SEMA5A: variants seen among roughly 807,000 people sequenced by gnomAD.
SEMA5A encodes semaphorin 5A.
Under a neutral mutation model 135.5 loss-of-function variants are expected in SEMA5A, and 55 were observed. The ratio of observed to expected loss-of-function variants is 0.41; its 90% confidence interval spans 0.33 to 0.51. The LOEUF is 0.51. Ranked by LOEUF, SEMA5A falls within the 20% of genes least tolerant of loss-of-function variation. The pLI is 0.37. For missense variants in SEMA5A, 1,290 were observed against 1,419.9 expected (o/e 0.91, Z 1.47); for synonymous variants, 580 against 546.5 (o/e 1.06, Z -0.85).
Position 9,044,388 on chromosome 5 carries a change from C to T in SEMA5A, c.3090G>A (p.Ser1030=), listed in dbSNP as rs150116452. 804 of 1,613,214 alleles carry T rather than the reference C, an allele frequency of 5.0e-4. No individual in the cohort carries two copies. Among genetic ancestry groups the T allele is most frequent in the Admixed American group, 7.7e-4 (46 of 60,014 alleles). ...ATTCACTTACCTTGATGGCCTCCACCGAGTCGTACTTGTCCAGTTTGTTGA... is the reference window on the plus strand; with the variant it reads ...ATTCACTTACCTTGATGGCCTCCACTGAGTCGTACTTGTCCAGTTTGTTGA... ...NHINKLDKYD[S]VEAIKAFNKN... is the part of the protein sequence containing the mutation. Residue 1030 remains serine (S), a synonymous_variant, in exon 22 of 23, where the codon TCG becomes TCA. Transcript: ENST00000382496.
At chr5:9,127,226 G>C (rs957570717) in intron 13 of SEMA5A, among the ~76,000 whole-genome samples, 1 of 152,232 alleles carries the variant, frequency 6.6e-6, no homozygotes, top group African/African-American at 2.4e-5. Context: ...TGCAAAGGCT[G>C]TTCCAGAGGT....
intron 16 of SEMA5A, among the ~76,000 whole-genome samples, chr5:9,106,998 G>A (rs1301147196): frequency 2.6e-5 from 4 of 152,144 alleles, no homozygotes; most frequent in Admixed American, 2.0e-4. Flanking sequence ...TCCTTTCTGA[G>A]AATTTCCCAA....
At chr5:9,251,508 T>G (rs1387086331) in intron 5 of SEMA5A, among the ~76,000 whole-genome samples, 1 of 152,170 alleles carries the variant, frequency 6.6e-6, no homozygotes, top group East Asian at 1.9e-4. Context: ...TAAAAATACT[T>G]TAGGTATGAC....
At chr5:9,542,736 A>T (rs1425633843) in intron 1 of SEMA5A, among the ~76,000 whole-genome samples, 1 of 152,178 alleles carries the variant, frequency 6.6e-6, no homozygotes, top group Non-Finnish European at 1.5e-5. Flanking sequence ...GCTGTACTCA[A>T]ATAGTTGTAC....
intron 16 of SEMA5A, among the ~76,000 whole-genome samples, chr5:9,072,243 A>G (rs962287029): frequency 1.1e-4 from 17 of 152,150 alleles, no homozygotes; most frequent in African/African-American, 4.1e-4. Flanking sequence ...GAGTGCCACA[A>G]CCTACAGCCT....
At chr5:9,106,033 C>G (rs1438978368) in intron 16 of SEMA5A, among the ~76,000 whole-genome samples, 3 of 152,106 alleles carry the variant, frequency 2.0e-5, no homozygotes, top group African/African-American at 7.2e-5. Context: ...TTAGGACAGA[C>G]AGAAACCAAA....
chr5:9,437,182 T>C (rs935590810), intron 2 of SEMA5A, among the ~76,000 whole-genome samples: 14 of 152,124 alleles, frequency 9.2e-5, no homozygotes, highest in African/African-American at 3.4e-4. Flanking sequence ...TGAAACCAGG[T>C]AGGCAGTCAC....
intron 9 of SEMA5A, among the ~76,000 whole-genome samples, chr5:9,201,150 C>T (rs1745682795): frequency 1.3e-5 from 2 of 152,166 alleles, no homozygotes; most frequent in African/African-American, 4.8e-5. Context: ...AGCAGCACAG[C>T]CAGTGTGTAG....
chr5:9,131,617 A>C (rs1427546791), intron 13 of SEMA5A, among the ~76,000 whole-genome samples: 4 of 12,274 alleles, frequency 3.3e-4, no homozygotes, highest in African/African-American at 7.7e-4. Context: ...CAAAAAAAAA[A>C]AAAAAAAAAA....
intron 13 of SEMA5A, among the ~76,000 whole-genome samples, chr5:9,124,978 T>C (rs888856224): frequency 1.3e-5 from 2 of 152,304 alleles, no homozygotes; most frequent in African/African-American, 2.4e-5. Flanking sequence ...CTATGTACCA[T>C]ACAGTTCATT....
At chr5:9,240,025 A>G (rs1040515362) in intron 5 of SEMA5A, among the ~76,000 whole-genome samples, 1 of 152,080 alleles carries the variant, frequency 6.6e-6, no homozygotes, top group African/African-American at 2.4e-5. Context: ...CATTTTCAAG[A>G]TAAATATTGG....
At chr5:9,073,670 T>C (rs550909943) in intron 16 of SEMA5A, among the ~76,000 whole-genome samples, 1 of 152,248 alleles carries the variant, frequency 6.6e-6, no homozygotes, top group Non-Finnish European at 1.5e-5. Flanking sequence ...ATTATATTTT[T>C]ACTCTCATAC....
intron 3 of SEMA5A, among the ~76,000 whole-genome samples, chr5:9,378,094 A>G (rs1343012893): frequency 6.6e-6 from 1 of 152,146 alleles, no homozygotes. Context: ...ATTAATAATA[A>G]TTATAATAAT....
intron 5 of SEMA5A, among the ~76,000 whole-genome samples, chr5:9,301,280 A>C (rs1041761444): frequency 6.6e-6 from 1 of 152,222 alleles, no homozygotes; most frequent in Non-Finnish European, 1.5e-5. Flanking sequence ...AGAGTTGATA[A>C]ATTTTAGGCA....
At chr5:9,115,663 C>T (rs1448771870) in intron 15 of SEMA5A, among the ~76,000 whole-genome samples, 1 of 152,064 alleles carries the variant, frequency 6.6e-6, no homozygotes, top group Non-Finnish European at 1.5e-5. Flanking sequence ...TGGGATAAGA[C>T]TGAGGGACCT....
chr5:9,494,602 C>A (rs1267295003), intron 1 of SEMA5A, among the ~76,000 whole-genome samples: 4 of 142,602 alleles, frequency 2.8e-5, no homozygotes, highest in Admixed American at 1.4e-4. Context: ...AAATCCCCCC[C>A]TTCAATGCCC....
chr5:9,255,760 TACAACACACCTGCATTCCTGTCCA>T (rs1749036131), intron 5 of SEMA5A, among the ~76,000 whole-genome samples: 1 of 152,186 alleles, frequency 6.6e-6, no homozygotes. Context: ...ACACCATCAG[TACAACACACCTGCATTCCTGTCCA>T]TTACTGGAAA....
intron 8 of SEMA5A, among the ~76,000 whole-genome samples, chr5:9,221,548 C>G (rs1173012615): frequency 6.6e-6 from 1 of 151,860 alleles, no homozygotes; most frequent in African/African-American, 2.4e-5. Flanking sequence ...GTGATCCGCC[C>G]GCCTCGGCCT....
At chr5:9,254,351 T>A (rs1232360500) in intron 5 of SEMA5A, among the ~76,000 whole-genome samples, 1 of 152,122 alleles carries the variant, frequency 6.6e-6, no homozygotes, top group Non-Finnish European at 1.5e-5. Context: ...GATGGAGGAT[T>A]ACACAGCGAT....
Sources: allele counts gnomAD v4.1 joint callset (sites outside exome capture counted in the v4.1 genomes callset), GRCh38; gene constraint gnomAD v4.1.1; transcripts MANE v1.5; gene names NCBI Gene and HGNC (gene_info 2026-07-23, HGNC 2026-07-21).